The following NR1H4 variants were observed in gnomAD, a reference collection of about 807,000 sequenced individuals.
NR1H4 encodes bile acid receptor.
Under a neutral mutation model 58.5 loss-of-function variants are expected in NR1H4, and 23 were observed. That is an observed-to-expected ratio of 0.39 (90% CI 0.28 to 0.56). The LOEUF (loss-of-function observed/expected upper bound fraction) is 0.56. NR1H4 is among the 20% of genes least tolerant of loss of function. The probability of loss-of-function intolerance (pLI) is 0.58; values close to 1 mark genes in which losing one functional copy is unlikely to be tolerated. For synonymous variants in NR1H4, 214 were observed against 198.0 expected (o/e 1.08, Z -0.68); for missense variants, 487 against 576.9 (o/e 0.84, Z 1.60).
chr12:100,474,754 C>T (rs1953231469), intron 1 of NR1H4, among the ~76,000 whole-genome samples: 1 of 152,114 alleles, frequency 6.6e-6, no homozygotes, highest in Non-Finnish European at 1.5e-5. Context: ...ACTGTGGAGC[C>T]TGACTTACTT....
At chr12:100,542,894 A>G (rs1954970710) in intron 9 of NR1H4, among the ~76,000 whole-genome samples, 1 of 151,190 alleles carries the variant, frequency 6.6e-6, no homozygotes. Flanking sequence ...AGTCTAACAA[A>G]TATTTAAGGG....
At chr12:100,485,889 T>C (rs1953481305) in intron 1 of NR1H4, among the ~76,000 whole-genome samples, 1 of 152,208 alleles carries the variant, frequency 6.6e-6, no homozygotes, top group Admixed American at 6.5e-5. Flanking sequence ...TTTTAATTGC[T>C]GTATAGTATT....
intron 9 of NR1H4, among the ~76,000 whole-genome samples, chr12:100,541,896 C>T (rs968156900): frequency 2.6e-5 from 4 of 152,030 alleles, no homozygotes; most frequent in Admixed American, 6.6e-5. Flanking sequence ...CACACCCAGC[C>T]GGTTTCAGAC....
intron 3 of NR1H4, among the ~76,000 whole-genome samples, chr12:100,495,227 A>G (rs1464114583): frequency 6.6e-6 from 1 of 152,206 alleles, no homozygotes; most frequent in Non-Finnish European, 1.5e-5. Flanking sequence ...GAGAATATAT[A>G]GCACAAGCTG....
chr12:100,491,453 AT>A (rs1413751621), intron 1 of NR1H4, among the ~76,000 whole-genome samples: 1 of 148,990 alleles, frequency 6.7e-6, no homozygotes, highest in African/African-American at 2.5e-5. Context: ...TCCAGACTTC[AT>A]TTTTATTTAC....
At chr12:100,544,100 C>T (rs951087352) in intron 9 of NR1H4, among the ~76,000 whole-genome samples, 2 of 151,618 alleles carry the variant, frequency 1.3e-5, no homozygotes, top group African/African-American at 2.4e-5. Flanking sequence ...AAAATACAAA[C>T]AATTAGTCAG....
At chr12:100,520,238 C>T (rs539397022) in intron 4 of NR1H4, among the ~76,000 whole-genome samples, 7 of 152,208 alleles carry the variant, frequency 4.6e-5, no homozygotes, top group South Asian at 4.1e-4. Flanking sequence ...ACGGGCTTTG[C>T]GGGCTGACAA....
chr12:100,524,245 A>G (rs1954499989), intron 4 of NR1H4, among the ~76,000 whole-genome samples: 1 of 152,256 alleles, frequency 6.6e-6, no homozygotes, highest in Non-Finnish European at 1.5e-5. Context: ...AAATGGAAAT[A>G]GGCATTTAAG....
Position 100,562,031 on chromosome 12 carries a change from CA to C in NR1H4, c.1192+34del, listed in dbSNP as rs760666543. 1.9e-4 allele frequency: 196 copies of C among 1,051,744 alleles called. 1 individual carries two copies. In the African/African-American group the frequency reaches 2.6e-3, roughly 14 times the overall value. The allele number at this position is 1,051,744 out of a possible 1,614,324, so 65.2% of individuals were successfully genotyped here. A position where few individuals can be genotyped will look rare whatever the true frequency, so the allele number is the denominator to read the frequency against. ...CAATGTTACATTTTAATTTTTATGC[CA>C]TTTTTTTCAGTATACTAGTAATAAC... On this transcript the variant is annotated intron_variant, in intron 10 of 10. Transcript: ENST00000392986.
At chr12:100,522,075 A>C (rs1490457472) in intron 4 of NR1H4, among the ~76,000 whole-genome samples, 1 of 150,178 alleles carries the variant, frequency 6.7e-6, no homozygotes, top group African/African-American at 2.5e-5. Flanking sequence ...CACCTGTAAG[A>C]TAAGGACAAC....
At chr12:100,475,511 T>A (rs1953250023) in intron 1 of NR1H4, among the ~76,000 whole-genome samples, 1 of 152,212 alleles carries the variant, frequency 6.6e-6, no homozygotes, top group South Asian at 2.1e-4. Context: ...CATGGAATCC[T>A]TGTCCTTCCT....
At chr12:100,562,763 G>A (rs570340047) in intron 10 of NR1H4, among the ~76,000 whole-genome samples, 13 of 151,870 alleles carry the variant, frequency 8.6e-5, no homozygotes, top group Non-Finnish European at 1.6e-4. Flanking sequence ...TTTGGGTGTC[G>A]AATGATGCCA....
chr12:100,493,201 C>G, intron 2 of NR1H4, 69 bp from the exon 3 acceptor site: 1 of 692,490 alleles, frequency 1.4e-6, no homozygotes, highest in Non-Finnish European at 2.6e-6. Flanking sequence ...CTCGCTGTCT[C>G]CTTCCCCAGC....
intron 3 of NR1H4, among the ~76,000 whole-genome samples, chr12:100,509,942 G>C (rs895528315): frequency 6.6e-6 from 1 of 151,498 alleles, no homozygotes; most frequent in Admixed American, 6.6e-5. Context: ...CACACACACA[G>C]AGTTGGTGTT....
chr12:100,509,347 G>A (rs1353725806), intron 3 of NR1H4, among the ~76,000 whole-genome samples: 1 of 152,086 alleles, frequency 6.6e-6, no homozygotes, highest in African/African-American at 2.4e-5. Context: ...ATTTTCTAAA[G>A]AGCCATAGTT....
chr12:100,563,654 T>C lies in NR1H4; in HGVS notation c.*165T>C. ...CCACAACTGTAAATATTGGGCTAGA[T>C]AGAACAACTTTCTCTACATTGTGTT... On this transcript the variant is annotated 3_prime_UTR_variant, in exon 11 of 11. Transcript: ENST00000392986. 1 of 642,948 alleles carries C rather than the reference T, an allele frequency of 1.6e-6. No individual in the cohort carries two copies. The highest frequency in any genetic ancestry group is 2.7e-6 in the Non-Finnish European group (1 of 364,190). 39.8% of individuals were successfully genotyped at this position (642,948 alleles called of 1,614,324 possible). A position where few individuals can be genotyped will look rare whatever the true frequency, so the allele number is the denominator to read the frequency against.
At chr12:100,492,295 T>A (rs750909762) in intron 1 of NR1H4, among the ~76,000 whole-genome samples, 3 of 152,096 alleles carry the variant, frequency 2.0e-5, no homozygotes, top group African/African-American at 7.2e-5. Context: ...GAAATCCTAA[T>A]GAAATACATA....
rs150467508 is a variant in NR1H4, at chr12:100,535,089, G to C, written c.732+66G>C. 3.1e-3 allele frequency: 4,855 copies of C among 1,588,454 alleles called. 15 individuals carry two copies. The highest frequency in any genetic ancestry group is 3.7e-3 in the Admixed American group (220 of 59,930). On this transcript the variant is annotated intron_variant, in intron 6 of 10. Coordinates refer to ENST00000392986, the MANE Select transcript of NR1H4 (RefSeq NM_001206979.2). The stretch of plus-strand genomic sequence containing the variant: ...TGAGTTTCTAGGTACATAGTGAGCT[G>C]GCCAGGAGGCTTTCAAATTAAAGCC...
chr12:100,541,377 G>A (rs374998722), intron 9 of NR1H4, among the ~76,000 whole-genome samples: 104 of 151,360 alleles, frequency 6.9e-4, no homozygotes, highest in African/African-American at 2.4e-3. Context: ...TGTTTCCCAG[G>A]TTCCAGCAAT....
Sources: allele counts gnomAD v4.1 joint callset (sites outside exome capture counted in the v4.1 genomes callset), GRCh38; gene constraint gnomAD v4.1.1; transcripts MANE v1.5; gene names NCBI Gene and HGNC (gene_info 2026-07-23, HGNC 2026-07-21).